Variants in DIS3L2 observed in about 807,000 individuals in gnomAD.
DIS3L2 encodes the protein DIS3 like 3'-5' exoribonuclease 2, also known as DIS3-like exonuclease 2.
A neutral mutation model predicts 97.5 loss-of-function variants in DIS3L2; 34 were observed. The observed-to-expected ratio is 0.35, with a 90% CI of 0.27 to 0.46. The LOEUF (loss-of-function observed/expected upper bound fraction) is 0.46, where lower values mean the gene tolerates loss of function less well. DIS3L2 is among the 20% of genes least tolerant of loss of function. The pLI, the probability that DIS3L2 is intolerant of heterozygous loss-of-function variation, is 1.00. For synonymous variants in DIS3L2, 435 were observed against 445.2 expected (o/e 0.98, Z 0.29); for missense variants, 1,038 against 1,146.0 (o/e 0.91, Z 1.36).
intron 10 of DIS3L2, among the ~76,000 whole-genome samples, chr2:232,236,544 T>C (rs191569646): frequency 2.8e-4 from 43 of 152,294 alleles, no homozygotes; most frequent in African/African-American, 1.0e-3. Flanking sequence ...CATGATTATG[T>C]AGCATAGATG....
chr2:232,042,469 T>C (rs1000629566), intron 5 of DIS3L2, among the ~76,000 whole-genome samples: 4 of 152,106 alleles, frequency 2.6e-5, no homozygotes, highest in Non-Finnish European at 4.4e-5. Flanking sequence ...TGAAAAAGAC[T>C]TGGAAGGTAC....
chr2:232,079,206 A>T (rs1696308900), intron 5 of DIS3L2, among the ~76,000 whole-genome samples: 1 of 152,220 alleles, frequency 6.6e-6, no homozygotes, highest in South Asian at 2.1e-4. Context: ...AATAGAATAG[A>T]TACCTCTATG....
At chr2:231,970,988 A>G (rs1692887597) in intron 1 of DIS3L2, among the ~76,000 whole-genome samples, 1 of 152,180 alleles carries the variant, frequency 6.6e-6, no homozygotes, top group African/African-American at 2.4e-5. Context: ...GCCTAGGCCT[A>G]CATAGAGTCA....
rs767746972 is a variant in DIS3L2, at chr2:232,336,584, A to T, written c.2612A>T (p.Glu871Val). ...GTQGHLGPEKEEEESDGEPED... is the reference protein window; with the variant it reads ...GTQGHLGPEKVEEESDGEPED... ...CAGGGCCACCTGGGCCCTGAGAAGG[A>T]GGAGGAGGAGTCTGACGGTGAGCCC... The change falls in exon 21 of 21, where the codon GAG becomes GTG. Residue 871 changes from glutamate to valine, a missense_variant. Physicochemically the swap from Glu to Val is moderately radical, Grantham distance 121. Around this residue, in one of 3 missense-constraint regions of DIS3L2, gnomAD observed 221 missense variants for 246.9 expected, o/e 0.90. Transcript: ENST00000325385. The T allele has an allele frequency of 5.0e-6, 8 of 1,608,478 alleles. No individual in the cohort carries two copies. In the African/African-American group the frequency reaches 1.1e-4, roughly 22 times the overall value.
At chr2:232,003,287 TCTC>T (rs561601098) in intron 1 of DIS3L2, among the ~76,000 whole-genome samples, 8 of 152,354 alleles carry the variant, frequency 5.3e-5, no homozygotes, top group Middle Eastern at 3.4e-3. Context: ...TGCTGAGTCT[TCTC>T]CTCATTGTAC....
intron 5 of DIS3L2, among the ~76,000 whole-genome samples, chr2:232,058,045 TG>T (rs2106271843): frequency 6.6e-6 from 1 of 152,324 alleles, no homozygotes; most frequent in Admixed American, 6.5e-5. Flanking sequence ...ATAGTTATGT[TG>T]TAATTGCAAT....
intron 1 of DIS3L2, among the ~76,000 whole-genome samples, chr2:231,991,103 TG>T (rs1693573871): frequency 6.6e-6 from 1 of 151,918 alleles, no homozygotes; most frequent in East Asian, 1.9e-4. Flanking sequence ...GATGGGGTTT[TG>T]CCATGTCGCC....
At chr2:232,046,982 A>G (rs1695260828) in intron 5 of DIS3L2, among the ~76,000 whole-genome samples, 1 of 152,108 alleles carries the variant, frequency 6.6e-6, no homozygotes, top group Non-Finnish European at 1.5e-5. Context: ...AAGTTCAGAC[A>G]ATCATGTCAT....
At chr2:232,076,466 C>T (rs1467231904) in intron 5 of DIS3L2, among the ~76,000 whole-genome samples, 1 of 151,994 alleles carries the variant, frequency 6.6e-6, no homozygotes, top group African/African-American at 2.4e-5. Context: ...TGGGTTTTGC[C>T]CATCTGTGGG....
intron 10 of DIS3L2, among the ~76,000 whole-genome samples, chr2:232,233,873 GGTT>G (rs1692863477): frequency 6.6e-6 from 1 of 152,232 alleles, no homozygotes; most frequent in Non-Finnish European, 1.5e-5. Context: ...ATGGCTTAGT[GGTT>G]GTTCTATAAT....
At chr2:232,341,300 G>A (rs536044354), downstream of DIS3L2, among the ~76,000 whole-genome samples, 149 of 152,316 alleles carry the variant, frequency 9.8e-4, no homozygotes, top group Non-Finnish European at 1.7e-3. Flanking sequence ...AACCCGCCCC[G>A]GGACGTCCCA....
chr2:232,326,457 AGGGTGCCACC>A (rs1174038683), intron 14 of DIS3L2, among the ~76,000 whole-genome samples: 1 of 152,142 alleles, frequency 6.6e-6, no homozygotes, highest in Non-Finnish European at 1.5e-5. Context: ...CAGCCACCCC[AGGGTGCCACC>A]GCCAGAGCCA....
chr2:232,216,649 T>C (rs1362301424), intron 10 of DIS3L2, among the ~76,000 whole-genome samples: 1 of 152,206 alleles, frequency 6.6e-6, no homozygotes, highest in East Asian at 1.9e-4. Flanking sequence ...CTTTTTTCTT[T>C]GCTTTTAAGA....
At chr2:232,112,506 A>C (rs1340251970) in intron 6 of DIS3L2, among the ~76,000 whole-genome samples, 1 of 152,162 alleles carries the variant, frequency 6.6e-6, no homozygotes, top group Non-Finnish European at 1.5e-5. Context: ...TAGCTCCTTC[A>C]GTGGGAAGTC....
At chr2:232,321,618 G>A (rs554934501) in intron 14 of DIS3L2, among the ~76,000 whole-genome samples, 4 of 152,240 alleles carry the variant, frequency 2.6e-5, no homozygotes, top group East Asian at 3.9e-4. Flanking sequence ...GCAGTGACGC[G>A]AAACCAAGAG....
chr2:232,216,069 C>T (rs1692323642), intron 10 of DIS3L2, among the ~76,000 whole-genome samples: 1 of 152,242 alleles, frequency 6.6e-6, no homozygotes, highest in African/African-American at 2.4e-5. Context: ...CTGTACTCTG[C>T]TCCAGCTCTA....
intron 14 of DIS3L2, among the ~76,000 whole-genome samples, chr2:232,310,231 A>G (rs1695087419): frequency 6.6e-6 from 1 of 152,174 alleles, no homozygotes; most frequent in Non-Finnish European, 1.5e-5. Context: ...GGGGGGCTTG[A>G]AATCAAGAGA....
intron 9 of DIS3L2, among the ~76,000 whole-genome samples, chr2:232,208,574 G>A (rs1157530738): frequency 6.6e-6 from 1 of 152,206 alleles, no homozygotes; most frequent in Non-Finnish European, 1.5e-5. Flanking sequence ...GCCTCCCAAA[G>A]TGCTTTGTTT....
rs577447757 is a variant in DIS3L2, at chr2:231,962,108, C to CG, written c.-94+346dup. ...TGTAGAGAGGACGCCTCCCGAGGCT[C>CG]GGGTCACCTGTGGACGCGTTCTCTA... is the stretch of plus-strand genomic sequence containing the variant. On this transcript the variant is annotated intron_variant, in intron 1 of 20. Transcript: ENST00000325385. Among the ~76,000 whole-genome samples, 100 of 152,268 alleles carry CG rather than the reference C, an allele frequency of 6.6e-4. 1 individual carries two copies. The South Asian group carries it at 0.021, about 32-fold the overall frequency.
Sources: allele counts gnomAD v4.1 joint callset (sites outside exome capture counted in the v4.1 genomes callset), GRCh38; gene constraint gnomAD v4.1.1; regional missense constraint gnomAD v4.1.1; transcripts MANE v1.5; gene names NCBI Gene and HGNC (gene_info 2026-07-23, HGNC 2026-07-21).